Variants in DHRSX observed in about 807,000 individuals in gnomAD.
The protein encoded by DHRSX is polyprenol dehydrogenase.
Under a neutral mutation model 34.0 loss-of-function variants are expected in DHRSX, and 31 were observed. That is an observed-to-expected ratio of 0.91 (90% CI 0.69 to 1.23). The LOEUF is 1.23. Ranked by LOEUF, DHRSX falls within the 50% of genes most tolerant of loss-of-function variation. The pLI is 0.00. For synonymous variants in DHRSX, 201 were observed against 183.8 expected, an observed-to-expected ratio of 1.09 and a Z score of -0.76; for missense variants, 414 against 428.1, an observed-to-expected ratio of 0.97 and a Z score of 0.29.
intron 6 of DHRSX, among the ~76,000 whole-genome samples, chrX:2,226,958 G>A (rs934902146): frequency 6.6e-6 from 1 of 152,030 alleles, no homozygotes; most frequent in Admixed American, 6.6e-5. Flanking sequence ...TCTCAGAGCT[G>A]CTGCAGAATA....
intron 3 of DHRSX, among the ~76,000 whole-genome samples, chrX:2,405,217 G>A (rs1204984524): frequency 6.6e-6 from 1 of 152,146 alleles, no homozygotes; most frequent in Non-Finnish European, 1.5e-5. Context: ...GGCCGGGCGC[G>A]GTGGCTCACA....
intron 2 of DHRSX, among the ~76,000 whole-genome samples, chrX:2,414,127 C>A (rs2043665094): frequency 6.6e-6 from 1 of 151,770 alleles, no homozygotes; most frequent in East Asian, 1.9e-4. Context: ...TATAAACAAG[C>A]CCAACAAGAA....
At position 2,325,351 on chromosome X, in the gene DHRSX, G is replaced by A. The variant is rs945121243; in HGVS notation, c.287-33748C>T. Among the ~76,000 whole-genome samples, 6 of 152,170 alleles carry A rather than the reference G, an allele frequency of 3.9e-5. No individual in the cohort carries two copies. The South Asian group carries it at 8.3e-4, about 21-fold the overall frequency. On this transcript the variant is annotated intron_variant, in intron 3 of 6. Coordinates refer to ENST00000334651, the MANE Select transcript of DHRSX (RefSeq NM_145177.3). ...TCTTCCCGGCAGGAACTAGGGACTA[G>A]ACACGTTCAAGATGGCGGTTCCATC... is the stretch of plus-strand genomic sequence containing the variant.
intron 3 of DHRSX, among the ~76,000 whole-genome samples, chrX:2,339,796 T>G (rs2042618125): frequency 6.6e-6 from 1 of 152,126 alleles, no homozygotes; most frequent in Non-Finnish European, 1.5e-5. Flanking sequence ...TGGTTCCAAG[T>G]CTTTGCTATG....
At chrX:2,318,565 C>A (rs1337143095) in intron 3 of DHRSX, among the ~76,000 whole-genome samples, 15 of 143,156 alleles carry the variant, frequency 1.0e-4, no homozygotes, top group African/African-American at 4.4e-4. Context: ...GCATTCGCTG[C>A]TAAAAGACAC....
intron 3 of DHRSX, among the ~76,000 whole-genome samples, chrX:2,319,721 G>GCTTT (rs1448420155): frequency 6.6e-6 from 1 of 151,900 alleles, no homozygotes; most frequent in African/African-American, 2.4e-5. Flanking sequence ...TTCCGGTCAA[G>GCTTT]AGTACACTAC....
At chrX:2,329,051 A>G (rs754539680) in intron 3 of DHRSX, among the ~76,000 whole-genome samples, 3 of 152,312 alleles carry the variant, frequency 2.0e-5, no homozygotes, top group African/African-American at 7.2e-5. Flanking sequence ...AGAAATAAAA[A>G]TTATTTAATT....
At chrX:2,457,014 G>A (rs2044308258) in intron 1 of DHRSX, among the ~76,000 whole-genome samples, 1 of 152,096 alleles carries the variant, frequency 6.6e-6, no homozygotes, top group Non-Finnish European at 1.5e-5. Context: ...CGTGCAGAGA[G>A]GAGCAGGCTG....
Position 2,464,182 on chromosome X carries a change from C to T in DHRSX, c.109+36635G>A, listed in dbSNP as rs1382697182. ...TGCAGCGAAGAGATGGCAGACGTTT[C>T]CTAGGCATGTGGCTAAGGGACCGCC... On this transcript the variant is annotated intron_variant, in intron 1 of 6. Coordinates refer to ENST00000334651, the MANE Select transcript of DHRSX (RefSeq NM_145177.3). 2.4e-5 allele frequency among the ~76,000 whole-genome samples: 3 copies of T among 126,318 alleles called. No homozygotes were observed. The East Asian group carries it at 6.5e-4, about 27-fold the overall frequency. 82.9% of individuals were successfully genotyped at this position (126,318 alleles called of 152,430 possible).
intron 3 of DHRSX, among the ~76,000 whole-genome samples, chrX:2,348,406 G>A (rs1214085214): frequency 6.6e-6 from 1 of 152,156 alleles, no homozygotes; most frequent in Admixed American, 6.6e-5. Context: ...TCTCTGGATG[G>A]GGTCAGTCCC....
intron 3 of DHRSX, among the ~76,000 whole-genome samples, chrX:2,389,977 C>T (rs961844556): frequency 1.3e-5 from 2 of 151,738 alleles, no homozygotes; most frequent in African/African-American, 2.4e-5. Flanking sequence ...GAAGGGGTTT[C>T]GCCATGTCGG....
chrX:2,444,233 A>C (rs1253891955), intron 1 of DHRSX, among the ~76,000 whole-genome samples: 2 of 152,148 alleles, frequency 1.3e-5, no homozygotes, highest in Non-Finnish European at 2.9e-5. Flanking sequence ...AAATACAACA[A>C]TTTATTCACA....
chrX:2,320,444 A>G (rs1229455474), intron 3 of DHRSX, among the ~76,000 whole-genome samples: 3 of 126,688 alleles, frequency 2.4e-5, no homozygotes, highest in Non-Finnish European at 5.1e-5. Flanking sequence ...ACAGACACGC[A>G]CCACTACACC....
chrX:2,378,263 G>T (rs1376663823), intron 3 of DHRSX, among the ~76,000 whole-genome samples: 1 of 152,216 alleles, frequency 6.6e-6, no homozygotes, highest in East Asian at 1.9e-4. Context: ...AGCTGTCAGA[G>T]ATTTGACTTC....
chrX:2,299,504 C>T (rs2041985984), intron 3 of DHRSX, among the ~76,000 whole-genome samples: 1 of 152,088 alleles, frequency 6.6e-6, no homozygotes, highest in African/African-American at 2.4e-5. Flanking sequence ...ATAACTCATC[C>T]AACTTTTCTT....
At chrX:2,404,707 C>G (rs1354023879) in intron 3 of DHRSX, among the ~76,000 whole-genome samples, 1 of 152,144 alleles carries the variant, frequency 6.6e-6, no homozygotes, top group Non-Finnish European at 1.5e-5. Flanking sequence ...TTTCTCACTT[C>G]TATGATATAC....
chrX:2,234,592 G>T (rs375822578), intron 6 of DHRSX, among the ~76,000 whole-genome samples: 1 of 152,360 alleles, frequency 6.6e-6, no homozygotes, highest in East Asian at 1.9e-4. Context: ...CTAATATAAA[G>T]AAAGTACAGT....
At chrX:2,332,261 A>G (rs2042488389) in intron 3 of DHRSX, among the ~76,000 whole-genome samples, 1 of 152,190 alleles carries the variant, frequency 6.6e-6, no homozygotes, top group Non-Finnish European at 1.5e-5. Flanking sequence ...AACAGACTGA[A>G]TGGGTCCTGT....
At chrX:2,405,671 C>T (rs905220267) in intron 3 of DHRSX, among the ~76,000 whole-genome samples, 1 of 151,858 alleles carries the variant, frequency 6.6e-6, no homozygotes, top group African/African-American at 2.4e-5. Context: ...GTGCTGCACA[C>T]CTGTATTCCC....
Sources: allele counts gnomAD v4.1 joint callset (sites outside exome capture counted in the v4.1 genomes callset), GRCh38; gene constraint gnomAD v4.1.1; transcripts MANE v1.5; gene names NCBI Gene and HGNC (gene_info 2026-07-23, HGNC 2026-07-21).